Variants in TENM3 observed in about 807,000 individuals in gnomAD.
TENM3 encodes the protein teneurin transmembrane protein 3.
A neutral mutation model predicts 255.1 loss-of-function variants in TENM3; 63 were observed. That is an observed-to-expected ratio of 0.25 (90% CI 0.20 to 0.30). The LOEUF (loss-of-function observed/expected upper bound fraction) is 0.30. Ranked by LOEUF, TENM3 falls within the 10% of genes least tolerant of loss-of-function variation. The pLI is 1.00. For synonymous variants in TENM3, 1,306 were observed against 1,322.3 expected, an observed-to-expected ratio of 0.99 and a Z score of 0.27; for missense variants, 2,929 against 3,461.1, an observed-to-expected ratio of 0.85 and a Z score of 3.86.
chr4:182,555,174 G>T (rs2151948508), intron 3 of TENM3, among the ~76,000 whole-genome samples: 1 of 152,274 alleles, frequency 6.6e-6, no homozygotes, highest in African/African-American at 2.4e-5. Flanking sequence ...GTCTATGACT[G>T]AAGGAGGCAA....
chr4:181,570,056 TGAGAC>T, the TENM3 span, among the ~76,000 whole-genome samples: 1 of 140,396 alleles, frequency 7.1e-6, no homozygotes, highest in African/African-American at 2.7e-5. Flanking sequence ...TTTTTTTTTT[TGAGAC>T]GGAGTCTCGC....
At chr4:181,997,440 T>A in the TENM3 span, among the ~76,000 whole-genome samples, 1 of 152,196 alleles carries the variant, frequency 6.6e-6, no homozygotes, top group African/African-American at 2.4e-5. Context: ...GGTTTCTATT[T>A]AATATCATGA....
chr4:182,065,041 T>C, the TENM3 span, among the ~76,000 whole-genome samples: 1 of 151,406 alleles, frequency 6.6e-6, no homozygotes, highest in East Asian at 1.9e-4. Flanking sequence ...CTTTCTTTTT[T>C]TTTTTTTTTT....
chr4:181,684,906 C>A, the TENM3 span, among the ~76,000 whole-genome samples: 5 of 148,800 alleles, frequency 3.4e-5, no homozygotes, highest in Non-Finnish European at 5.9e-5. Context: ...AGGTGTGCAC[C>A]ACCGTGCCTG....
chr4:182,150,702 A>G (rs907868763), intron 1 of TENM3, among the ~76,000 whole-genome samples: 8 of 152,146 alleles, frequency 5.3e-5, no homozygotes, highest in African/African-American at 1.9e-4. Context: ...ACCTTTAAAG[A>G]TACAGCTCTT....
At chr4:181,537,409 G>A in the TENM3 span, among the ~76,000 whole-genome samples, 1 of 152,072 alleles carries the variant, frequency 6.6e-6, no homozygotes, top group Non-Finnish European at 1.5e-5. Context: ...GAGCATCTGG[G>A]TCCTTGTAAA....
At chr4:182,214,003 TG>T (rs1361275221) in intron 1 of TENM3, among the ~76,000 whole-genome samples, 1 of 152,036 alleles carries the variant, frequency 6.6e-6, no homozygotes, top group Non-Finnish European at 1.5e-5. Context: ...GGGTTTCACT[TG>T]TGTTAGCCAG....
intron 1 of TENM3, among the ~76,000 whole-genome samples, chr4:182,151,936 G>T (rs187529341): frequency 6.6e-6 from 1 of 151,900 alleles, no homozygotes; most frequent in Non-Finnish European, 1.5e-5. Context: ...GCCATATTTT[G>T]TCTCTTGATT....
chr4:181,802,353 C>A, the TENM3 span, among the ~76,000 whole-genome samples: 1 of 152,252 alleles, frequency 6.6e-6, no homozygotes, highest in East Asian at 1.9e-4. Flanking sequence ...TTTGCCATAA[C>A]TTTTCACTCA....
Position 182,650,611 on chromosome 4 carries a change from TCTCTCTCTCTC to T in TENM3, c.989-3151_989-3141del, listed in dbSNP as rs1753167159. On this transcript the variant is annotated intron_variant, in intron 5 of 27. Coordinates refer to ENST00000511685, the MANE Select transcript of TENM3 (RefSeq NM_001080477.4). ...TCTCTCCTTTCTCTCCTTCTTCTCG[TCTCTCTCTCTC>T]CTCTCTCTAACTTTGGAGAGTCAGC... 2.7e-5 allele frequency among the ~76,000 whole-genome samples: 4 copies of T among 149,254 alleles called. No homozygotes were observed. In the South Asian group the frequency reaches 6.7e-4, roughly 25 times the overall value.
the TENM3 span, among the ~76,000 whole-genome samples, chr4:181,589,621 A>C: frequency 6.6e-6 from 1 of 152,228 alleles, no homozygotes; most frequent in Non-Finnish European, 1.5e-5. Context: ...AACTGACACA[A>C]GACAGATCAA....
chr4:181,659,217 C>T, the TENM3 span, among the ~76,000 whole-genome samples: 1 of 152,160 alleles, frequency 6.6e-6, no homozygotes, highest in African/African-American at 2.4e-5. Flanking sequence ...TGTAGCAAAT[C>T]ATCTCCCCAT....
chr4:181,624,177 T>G, the TENM3 span, among the ~76,000 whole-genome samples: 1 of 152,158 alleles, frequency 6.6e-6, no homozygotes, highest in Non-Finnish European at 1.5e-5. Context: ...CCCCAAACCC[T>G]CTGGCTACAA....
chr4:182,455,170 A>G lies in TENM3; in HGVS notation c.511+108241A>G, dbSNP rs546339191. ...TTCAGGAGAGAGTCACATTTTCTTG[A>G]TCAGAAAGGACTTATTTGTTTAAGA... On this transcript the variant is annotated intron_variant, in intron 3 of 27. Transcript: ENST00000511685. Among the ~76,000 whole-genome samples, 10 of 152,334 alleles carry G rather than the reference A, an allele frequency of 6.6e-5. No individual in the cohort carries two copies. In the South Asian group the frequency reaches 2.1e-3, roughly 32 times the overall value.
At chr4:182,739,795 G>A (rs1177876794) in intron 18 of TENM3, among the ~76,000 whole-genome samples, 1 of 152,206 alleles carries the variant, frequency 6.6e-6, no homozygotes, top group Non-Finnish European at 1.5e-5. Flanking sequence ...CAGCACTTCA[G>A]GAGGCCAAGG....
At chr4:181,605,359 C>G in the TENM3 span, among the ~76,000 whole-genome samples, 16 of 151,300 alleles carry the variant, frequency 1.1e-4, no homozygotes, top group Non-Finnish European at 1.5e-4. Flanking sequence ...GCAGGAGAAT[C>G]TCTTAACCTG....
chr4:182,529,488 G>A (rs571193593), intron 3 of TENM3, among the ~76,000 whole-genome samples: 1 of 152,172 alleles, frequency 6.6e-6, no homozygotes, highest in South Asian at 2.1e-4. Context: ...TTTAGTGTTT[G>A]TCTAGGGTTG....
intron 6 of TENM3, among the ~76,000 whole-genome samples, chr4:182,656,851 G>A (rs540498277): frequency 1.3e-5 from 2 of 152,122 alleles, no homozygotes; most frequent in African/African-American, 4.8e-5. Flanking sequence ...ATGGTATTTA[G>A]TATCTAAAAG....
chr4:181,473,127 T>G, the TENM3 span, among the ~76,000 whole-genome samples: 1 of 152,194 alleles, frequency 6.6e-6, no homozygotes, highest in Non-Finnish European at 1.5e-5. Flanking sequence ...CATTAAAATT[T>G]TCATTAAACA....
Sources: gnomAD v4.1 joint callset for allele counts (sites outside exome capture counted in the v4.1 genomes callset) on GRCh38, gnomAD v4.1.1 for gene constraint, MANE v1.5 for transcripts, NCBI Gene and HGNC (gene_info 2026-07-23, HGNC 2026-07-21) for gene names.